MAML3: variants seen among roughly 807,000 people sequenced by gnomAD.
MAML3 encodes the protein mastermind like transcriptional coactivator 3.
In MAML3, 27 loss-of-function variants were observed where a neutral mutation model predicts 101.9. The ratio of observed to expected loss-of-function variants is 0.27; its 90% CI spans 0.20 to 0.37. The LOEUF is 0.37. Ranked by LOEUF, MAML3 falls within the 10% of genes least tolerant of loss-of-function variation. The pLI, the probability that MAML3 is intolerant of heterozygous loss-of-function variation, is 1.00. For synonymous variants in MAML3, 501 were observed against 555.9 expected, an observed-to-expected ratio of 0.90 and a Z score of 1.39; for missense variants, 1,316 against 1,444.9, an observed-to-expected ratio of 0.91 and a Z score of 1.45.
intron 1 of MAML3, among the ~76,000 whole-genome samples, chr4:140,091,278 A>G (rs1339085293): frequency 6.6e-6 from 1 of 152,126 alleles, no homozygotes; most frequent in African/African-American, 2.4e-5. Context: ...GCTGACAGGC[A>G]AGATTTTTTT....
At chr4:139,917,791 G>C (rs1265611186) in intron 1 of MAML3, among the ~76,000 whole-genome samples, 1 of 152,114 alleles carries the variant, frequency 6.6e-6, no homozygotes, top group Non-Finnish European at 1.5e-5. Context: ...TTTGCAAAGG[G>C]GATTCTTTAT....
intron 1 of MAML3, among the ~76,000 whole-genome samples, chr4:140,017,108 A>C (rs1299355517): frequency 6.6e-6 from 1 of 152,226 alleles, no homozygotes; most frequent in Non-Finnish European, 1.5e-5. Context: ...ACACAGCAGT[A>C]AGAAAACATT....
intron 1 of MAML3, among the ~76,000 whole-genome samples, chr4:139,903,964 A>G (rs117747860): frequency 6.6e-6 from 1 of 152,314 alleles, no homozygotes; most frequent in East Asian, 1.9e-4. Flanking sequence ...ACAGAAGAGC[A>G]AAGGGAAAGG....
At chr4:139,850,413 C>T (rs1175063580) in intron 2 of MAML3, among the ~76,000 whole-genome samples, 3 of 152,194 alleles carry the variant, frequency 2.0e-5, no homozygotes, top group Non-Finnish European at 4.4e-5. Context: ...TGCCCCTTTT[C>T]ACTCTCAAAA....
intron 1 of MAML3, among the ~76,000 whole-genome samples, chr4:140,142,303 A>C (rs1200515965): frequency 1.3e-5 from 2 of 152,240 alleles, no homozygotes; most frequent in Admixed American, 1.3e-4. Flanking sequence ...TCCAGACTGT[A>C]GCTACTTCTG....
chr4:139,891,130 T>G (rs1732487780), intron 1 of MAML3, among the ~76,000 whole-genome samples, 163 bp from the exon 2 acceptor site: 2 of 152,138 alleles, frequency 1.3e-5, no homozygotes, highest in Admixed American at 6.5e-5. Flanking sequence ...GCAATTCAAA[T>G]TGTATGGGAA....
At chr4:139,746,319 G>C (rs756189770) in intron 2 of MAML3, among the ~76,000 whole-genome samples, 1 of 152,168 alleles carries the variant, frequency 6.6e-6, no homozygotes, top group Non-Finnish European at 1.5e-5. Context: ...CAACCAGTTG[G>C]ACTGTTGAAA....
chr4:139,756,745 G>A (rs1454757602), intron 2 of MAML3, among the ~76,000 whole-genome samples: 5 of 152,150 alleles, frequency 3.3e-5, no homozygotes, highest in Admixed American at 1.3e-4. Context: ...TTTGGCACCC[G>A]TGAAAAGGTT....
intron 1 of MAML3, among the ~76,000 whole-genome samples, chr4:139,936,226 A>G (rs1039734508): frequency 2.0e-5 from 3 of 152,180 alleles, no homozygotes; most frequent in African/African-American, 7.2e-5. Context: ...ATAATATTCC[A>G]TTGTTTATAT....
rs58593670 is a variant in MAML3 at position 139,850,445 on chromosome 4, A to G, written c.2079+38912T>C. On this transcript the variant is annotated intron_variant, in intron 2 of 4. Transcript: ENST00000509479. ...AAAAGTGCCCTGGTTTGGATAATAA[A>G]TTAGATGGTTTTGTCCAAGGCTATT... Among the ~76,000 whole-genome samples the G allele has an allele frequency of 6.6e-3, 1,000 of 152,306 alleles. 12 individuals are homozygous for G. Among genetic ancestry groups the G allele is most frequent in the African/African-American group, 0.023 (962 of 41,564 alleles).
chr4:139,740,855 G>C (rs1324411913), intron 2 of MAML3: 1 of 152,502 alleles, frequency 6.6e-6, no homozygotes, highest in Non-Finnish European at 1.5e-5. Flanking sequence ...GCCTTGGGAG[G>C]GGGGCTGAGA....
intron 1 of MAML3, among the ~76,000 whole-genome samples, chr4:140,016,082 C>A (rs1726637418): frequency 6.6e-6 from 1 of 152,102 alleles, no homozygotes; most frequent in East Asian, 1.9e-4. Flanking sequence ...ACTAGTGAGT[C>A]CAGCAAGATA....
chr4:139,984,734 G>A lies in MAML3; in HGVS notation c.469-93767C>T, dbSNP rs150103102. Among the ~76,000 whole-genome samples the A allele has an allele frequency of 5.1e-4, 78 of 152,342 alleles. No homozygotes were observed. In the Middle Eastern group the frequency reaches 0.014, roughly 27 times the overall value. On this transcript the variant is annotated intron_variant, in intron 1 of 4. Coordinates refer to ENST00000509479, the MANE Select transcript of MAML3 (RefSeq NM_018717.5). ...GCAGGATTTTATGCTTCAGTCTTGA[G>A]ACAGACTTTCTTTAGTTTTTGCTCT...
At position 139,944,999 on chromosome 4, in the gene MAML3, C is replaced by T. The variant is rs185645837; in HGVS notation, c.469-54032G>A. Among the ~76,000 whole-genome samples the T allele has an allele frequency of 5.3e-3, 798 of 151,956 alleles. 7 individuals carry two copies. The highest frequency in any genetic ancestry group is 0.017 in the African/African-American group (690 of 41,436). On this transcript the variant is annotated intron_variant, in intron 1 of 4. Coordinates refer to ENST00000509479, the MANE Select transcript of MAML3 (RefSeq NM_018717.5). The stretch of plus-strand genomic sequence containing the variant: ...ATGCTGCTATAAAGACACATGCACA[C>T]GTATGTTTATTGCGGCATTATTCAC...
chr4:139,729,285 G>A (rs749735661), intron 3 of MAML3, among the ~76,000 whole-genome samples: 3 of 151,900 alleles, frequency 2.0e-5, no homozygotes, highest in African/African-American at 2.4e-5. Context: ...CCATGGGCCC[G>A]TGTCCTACAC....
chr4:140,066,900 T>G (rs1578667101), intron 1 of MAML3, among the ~76,000 whole-genome samples: 1 of 152,206 alleles, frequency 6.6e-6, no homozygotes, highest in South Asian at 2.1e-4. Flanking sequence ...AATCTTTTAG[T>G]GCCAATTTTT....
At chr4:140,077,485 G>A (rs376209413) in intron 1 of MAML3, among the ~76,000 whole-genome samples, 1 of 151,984 alleles carries the variant, frequency 6.6e-6, no homozygotes, top group African/African-American at 2.4e-5. Flanking sequence ...TTGAATTTTC[G>A]AGCCAAACAG....
chr4:139,817,586 A>G (rs1395601082), intron 2 of MAML3, among the ~76,000 whole-genome samples: 1 of 152,152 alleles, frequency 6.6e-6, no homozygotes, highest in Non-Finnish European at 1.5e-5. Flanking sequence ...CCCTCCATTC[A>G]GTGATTTTTC....
chr4:139,876,935 C>T (rs537128420), intron 2 of MAML3, among the ~76,000 whole-genome samples: 1 of 152,334 alleles, frequency 6.6e-6, no homozygotes, highest in African/African-American at 2.4e-5. Flanking sequence ...ATTAAAACAT[C>T]CTTTGTATGA....
Sources: gnomAD v4.1 joint callset for allele counts (sites outside exome capture counted in the v4.1 genomes callset) on GRCh38, gnomAD v4.1.1 for gene constraint, MANE v1.5 for transcripts, NCBI Gene and HGNC (gene_info 2026-07-23, HGNC 2026-07-21) for gene names.